The following HRNR variants were observed in gnomAD, a reference collection of about 807,000 sequenced individuals.
HRNR encodes filaggrin family member 3.
A neutral mutation model predicts 4.8 loss-of-function variants in HRNR; 7 were observed. That is an observed-to-expected ratio of 1.47 (90% confidence interval 0.83 to 2.75). The LOEUF is 2.75. Among genes scored for constraint, HRNR ranks in the 30% most tolerant of loss-of-function variants. HRNR has a pLI of 0.00. For synonymous variants in HRNR, 1,023 were observed against 1,242.7 expected (o/e 0.82, Z 3.72); for missense variants, 2,879 against 3,010.4 (o/e 0.96, Z 1.02).
rs1328340745 is a variant in HRNR, at chr1:152,212,084, T to C, written c.*992A>G. 1 of 152,236 alleles carries C rather than the reference T, an allele frequency of 6.6e-6. No homozygotes were observed. The highest frequency in any genetic ancestry group is 1.5e-5 in the Non-Finnish European group (1 of 68,036). The allele number at this position is 152,236 out of a possible 1,614,324, so 9.4% of individuals were successfully genotyped here. On this transcript the variant is annotated 3_prime_UTR_variant, in exon 3 of 3. Transcript: ENST00000368801. Reference sequence around the variant, plus strand: ...AGATGAGAAAAGTCTTAGTATTTAATCAACATTTATTTATTGTCAATTTTA... The same window carrying C: ...AGATGAGAAAAGTCTTAGTATTTAACCAACATTTATTTATTGTCAATTTTA...
Position 152,213,140 on chromosome 1 carries a change from C to G in HRNR, c.8489G>C (p.Ser2830Thr), listed in dbSNP as rs1286959206. The G allele has an allele frequency of 6.2e-7, 1 of 1,613,998 alleles. No individual in the cohort carries two copies. Among genetic ancestry groups the G allele is most frequent in the Non-Finnish European group, 8.5e-7 (1 of 1,180,038 alleles). ...DGGSSGSYFL[S>T]FPSSTSPYEY... Reference sequence around the variant, plus strand: ...ATAGGGTGAAGTGCTACTAGGAAAACTGAGAAAATATGAGCCAGAACTTCC... The same window carrying G: ...ATAGGGTGAAGTGCTACTAGGAAAAGTGAGAAAATATGAGCCAGAACTTCC... The change falls in exon 3 of 3, where the codon AGT becomes ACT. Residue 2830 changes from serine (S) to threonine (T), a missense_variant. Ser to Thr is a moderately conservative substitution (Grantham distance 58). Coordinates refer to ENST00000368801, the MANE Select transcript of HRNR (RefSeq NM_001009931.3).
At position 152,212,889 on chromosome 1, in the gene HRNR, TC is replaced by T. The variant is rs1241603613; in HGVS notation, c.*186del. ...ACAAAGTAGCACAAATGCCTAACAGTCTTTGGAAGGAACCCCATAACAAGAT... is the reference window on the plus strand; with the variant it reads ...ACAAAGTAGCACAAATGCCTAACAGTTTTGGAAGGAACCCCATAACAAGAT... On this transcript the variant is annotated 3_prime_UTR_variant, in exon 3 of 3. Transcript: ENST00000368801. 2.6e-6 allele frequency: 2 copies of T among 756,072 alleles called. No individual in the cohort carries two copies. Among genetic ancestry groups the T allele is most frequent in the Non-Finnish European group, 4.2e-6 (2 of 480,884 alleles). The allele number at this position is 756,072 out of a possible 1,614,324, so 46.8% of individuals were successfully genotyped here.
At position 152,219,284 on chromosome 1, in the gene HRNR, CCATGT is replaced by C; in HGVS notation, c.2340_2344del (p.His781ValfsTer26). 1 of 1,613,362 alleles carries C rather than the reference CCATGT, an allele frequency of 6.2e-7. No homozygotes were observed. The highest frequency in any genetic ancestry group is 8.5e-7 in the Non-Finnish European group (1 of 1,179,888). ...GCTGGAGGAGTGCCCTGAACTGGAC[CCATGT>C]CGGACACGGCTAGGAGAGTGGCCAG... On this transcript the variant is annotated frameshift_variant, in exon 3 of 3. Transcript: ENST00000368801. LOFTEE classifies it low-confidence loss of function (END_TRUNC).
In HRNR at chr1:152,213,042, T is replaced by G. The variant is rs769311709; in HGVS notation, c.*34A>C. On this transcript the variant is annotated 3_prime_UTR_variant, in exon 3 of 3. Coordinates refer to ENST00000368801, the MANE Select transcript of HRNR (RefSeq NM_001009931.3). The stretch of plus-strand genomic sequence containing the variant: ...TAGATGACTTTCCTATTTCTTAAAT[T>G]GCTACTTGAGTAAATTGCATTTATG... The G allele has an allele frequency of 2.5e-6, 4 of 1,580,310 alleles. No homozygotes were observed. The East Asian group carries it at 9.0e-5, about 35-fold the overall frequency.
At chr1:152,223,336 C>A in intron 1 of HRNR, 58 bp from the exon 2 acceptor site, 1 of 995,730 alleles carries the variant, frequency 1.0e-6, no homozygotes, top group Non-Finnish European at 1.5e-6. Flanking sequence ...TGTTTAAACA[C>A]ATAAATAGTT....
Position 152,220,178 on chromosome 1 carries a change from C to G in HRNR, c.1451G>C (p.Gly484Ala). The change falls in exon 3 of 3, where the codon GGC becomes GCC. Residue 484 changes from glycine to alanine, a missense_variant. By Grantham distance (60) the Gly-to-Ala change is moderately conservative (BLOSUM62 0). Around this residue, in one of 8 missense-constraint regions of HRNR, gnomAD observed 2,646 missense variants for 1,377.7 expected, o/e 1.92. Transcript: ENST00000368801. ...HSSGYTQHGS[G>A]SGHSSGHGQH... ...TCCGTGGCCGGAGGAGTGACCTGAG[C>G]CAGATCCATGCTGAGTGTAACCAGA... The G allele has an allele frequency of 1.9e-6, 3 of 1,613,224 alleles. No homozygotes were observed. Among genetic ancestry groups the G allele is most frequent in the Non-Finnish European group, 1.7e-6 (2 of 1,179,420 alleles).
At position 152,219,173 on chromosome 1, in the gene HRNR, T is replaced by G; in HGVS notation, c.2456A>C (p.Gln819Pro). The G allele has an allele frequency of 6.2e-7, 1 of 1,613,886 alleles. No individual in the cohort carries two copies. Among genetic ancestry groups the G allele is most frequent in the Non-Finnish European group, 8.5e-7 (1 of 1,179,986 alleles). The change falls in exon 3 of 3, where the codon CAA becomes CCA. Residue 819 changes from glutamine to proline, a missense_variant. By Grantham distance (76) the Gln-to-Pro change is moderately conservative (BLOSUM62 -1). Coordinates refer to ENST00000368801, the MANE Select transcript of HRNR (RefSeq NM_001009931.3). ...SGSGQASGFG[Q>P]HESGSGQGYS... ...GCCCTGTCCTGAGCCAGACTCGTGTTGCCCAAAACCAGAAGCCTGGCCTGA... is the reference window on the plus strand; with the variant it reads ...GCCCTGTCCTGAGCCAGACTCGTGTGGCCCAAAACCAGAAGCCTGGCCTGA...
Position 152,213,816 on chromosome 1 carries a change from GT to G in HRNR, c.7812del (p.Gln2605AsnfsTer248). The stretch of plus-strand genomic sequence containing the variant: ...GACTGTCCTGATCTAGAGCCGTGTT[GT>G]CCGTAGCCAGAGGAGTGACCTGAGC... ...GSGSGHSSGY[G>X]QHGSRSGQSS... On this transcript the variant is annotated frameshift_variant, in exon 3 of 3. Transcript: ENST00000368801. LOFTEE classifies it low-confidence loss of function (END_TRUNC). 1 of 1,327,320 alleles carries G rather than the reference GT, an allele frequency of 7.5e-7. No individual in the cohort carries two copies. Among genetic ancestry groups the G allele is most frequent in the Non-Finnish European group, 1.0e-6 (1 of 990,810 alleles). The allele number at this position is 1,327,320 out of a possible 1,614,324, so 82.2% of individuals were successfully genotyped here. A position where few individuals can be genotyped will look rare whatever the true frequency, so the allele number is the denominator to read the frequency against.
Position 152,219,433 on chromosome 1 carries a change from C to T in HRNR, c.2196G>A (p.Arg732=), listed in dbSNP as rs769141866. The T allele has an allele frequency of 5.6e-6, 9 of 1,613,790 alleles. No homozygotes were observed. Among genetic ancestry groups the T allele is most frequent in the East Asian group, 2.2e-5 (1 of 44,824 alleles). ...GTTCACTCCTAGATGACTGTCCTGA[C>T]CTAGAGCCGTGTTTTCTGTAGCCGG... ...HSSGYRKHGS[R]SGQSSRSEQH... is the part of the protein sequence containing the mutation. Residue 732 remains arginine (R), a synonymous_variant, in exon 3 of 3, where the codon AGG becomes AGA. Transcript: ENST00000368801.
rs140649841 is a variant in HRNR, at chr1:152,223,233, G to A, written c.21C>T (p.Gly7=). The change falls in exon 2 of 3, where the codon GGC becomes GGT. Residue 7 remains glycine (G), a synonymous_variant. Coordinates refer to ENST00000368801, the MANE Select transcript of HRNR (RefSeq NM_001009931.3). The part of the protein sequence containing the change: MPKLLQ[G]VITVIDVFYQ... ...AGAAAACATCGATGACAGTGATGAC[G>A]CCTTGTAGGAGTTTAGGCATTTTTT... is the stretch of plus-strand genomic sequence containing the variant. 5.4e-3 allele frequency: 8,623 copies of A among 1,590,714 alleles called. 52 individuals carry two copies. The highest frequency in any genetic ancestry group is 5.4e-3 in the Non-Finnish European group (6,315 of 1,172,512).
chr1:152,218,835 A>T lies in HRNR; in HGVS notation c.2794T>A (p.Phe932Ile), dbSNP rs1280435714. ...HGSGSGQSSGFGHKSSSGQSS... is the reference protein window; with the variant it reads ...HGSGSGQSSGIGHKSSSGQSS... ...TGCCCTGAGCTAGACTTGTGACCAA[A>T]GCCAGAAGACTGGCCTGAGCCAGAC... Residue 932 changes from phenylalanine to isoleucine, a missense_variant, in exon 3 of 3, where the codon TTT (phenylalanine) becomes ATT (isoleucine). By Grantham distance (21) the Phe-to-Ile change is conservative. Coordinates refer to ENST00000368801, the MANE Select transcript of HRNR (RefSeq NM_001009931.3). 4.3e-6 allele frequency: 7 copies of T among 1,612,848 alleles called. No homozygotes were observed. Among genetic ancestry groups the T allele is most frequent in the East Asian group, 4.5e-5 (2 of 44,736 alleles).
rs371472948 is a variant in HRNR at position 152,220,227 on chromosome 1, G to C, written c.1402C>G (p.His468Asp). ...GAGGAATGCTCTGAGCTAGACTCGT[G>C]GTGACCAAAGCCAGAAGAGTAGCCT... is the stretch of plus-strand genomic sequence containing the variant. ...GSGYSSGFGHHESSSEHSSGY... is the reference protein window; with the variant it reads ...GSGYSSGFGHDESSSEHSSGY... The change falls in exon 3 of 3, where the codon CAC becomes GAC. Residue 468 changes from histidine to aspartate, a missense_variant. Around this residue, in one of 8 missense-constraint regions of HRNR, gnomAD observed 2,646 missense variants for 1,377.7 expected, o/e 1.92. Coordinates refer to ENST00000368801, the MANE Select transcript of HRNR (RefSeq NM_001009931.3). 2.9e-5 allele frequency: 46 copies of C among 1,613,594 alleles called. No individual in the cohort carries two copies. Among genetic ancestry groups the C allele is most frequent in the Non-Finnish European group, 3.3e-5 (39 of 1,179,764 alleles).
intron 1 of HRNR, among the ~76,000 whole-genome samples, chr1:152,223,630 C>T (rs1229406880): frequency 3.3e-5 from 5 of 152,108 alleles, no homozygotes; most frequent in Admixed American, 1.3e-4. Flanking sequence ...TTTCTAGGTT[C>T]GAAGCATACT....
Position 152,219,500 on chromosome 1 carries a change from G to A in HRNR, c.2129C>T (p.Ser710Phe), listed in dbSNP as rs752528644. 7 of 1,613,630 alleles carry A rather than the reference G, an allele frequency of 4.3e-6. No homozygotes were observed. In the Admixed American group the frequency reaches 8.3e-5, roughly 19 times the overall value. Residue 710 changes from serine to phenylalanine, a missense_variant, in exon 3 of 3, where the codon TCC becomes TTC. Coordinates refer to ENST00000368801, the MANE Select transcript of HRNR (RefSeq NM_001009931.3). ...GFGHKSGSGQ[S>F]SGYSQHGSGS... is the part of the protein sequence containing the mutation. The stretch of plus-strand genomic sequence containing the variant: ...AGATCCATGCTGACTGTAACCAGAG[G>A]ACTGCCCTGAGCCAGACTTGTGACC...
chr1:152,218,996 G>C lies in HRNR; in HGVS notation c.2633C>G (p.Ser878Trp). Residue 878 changes from serine (S) to tryptophan (W), a missense_variant, in exon 3 of 3, where the codon TCG becomes TGG. By Grantham distance (177) the Ser-to-Trp change is radical. Coordinates refer to ENST00000368801, the MANE Select transcript of HRNR (RefSeq NM_001009931.3). ...GQHESASHHA[S>W]GRGRHGSGSG... ...TCCAGAGCCATGTCGGCCGCGGCCC[G>C]AAGCGTGATGGGAGGCAGACTCATG... 6.2e-7 allele frequency: 1 copy of C among 1,613,880 alleles called. No individual in the cohort carries two copies. Among genetic ancestry groups the C allele is most frequent in the South Asian group, 1.1e-5 (1 of 91,044 alleles).
At position 152,218,349 on chromosome 1, in the gene HRNR, C is replaced by T; in HGVS notation, c.3280G>A (p.Ala1094Thr). The change falls in exon 3 of 3, where the codon GCT (alanine) becomes ACT (threonine). Residue 1094 changes from alanine to threonine, a missense_variant. Ala to Thr is a moderately conservative substitution (Grantham distance 58). Around this residue, in one of 8 missense-constraint regions of HRNR, gnomAD observed 2,646 missense variants for 1,377.7 expected, o/e 1.92. Transcript: ENST00000368801. ...GQSSSCGQHGASSGQSSSHGQ... is the reference protein window; with the variant it reads ...GQSSSCGQHGTSSGQSSSHGQ... ...TGGCTGGAAGACTGACCTGAGCTAG[C>T]TCCATGTTGGCCACAGCTCGATGAC... 1.2e-6 allele frequency: 2 copies of T among 1,608,518 alleles called. No homozygotes were observed. The highest frequency in any genetic ancestry group is 1.7e-6 in the Non-Finnish European group (2 of 1,178,936).
intron 2 of HRNR, among the ~76,000 whole-genome samples, chr1:152,222,660 A>G (rs1649038156): frequency 6.6e-6 from 1 of 152,246 alleles, no homozygotes; most frequent in Non-Finnish European, 1.5e-5. Flanking sequence ...TCTGAATATC[A>G]TATCTGAAAT....
In HRNR at chr1:152,219,345, A is replaced by G; in HGVS notation, c.2284T>C (p.Ser762Pro). ...GACCCTTGTCGGCCGTGGCCCGAAG[A>G]TTGATGGGAGCCCGACCCATGCTGA... Reference protein sequence around the residue: ...YGQHGSGSHQSSGHGRQGSGS... With the variant: ...YGQHGSGSHQPSGHGRQGSGS... The change falls in exon 3 of 3, where the codon TCT becomes CCT. Residue 762 changes from serine (S) to proline (P), a missense_variant. Physicochemically the swap from Ser to Pro is moderately conservative, Grantham distance 74. Coordinates refer to ENST00000368801, the MANE Select transcript of HRNR (RefSeq NM_001009931.3). 6.2e-7 allele frequency: 1 copy of G among 1,612,718 alleles called. No homozygotes were observed. The highest frequency in any genetic ancestry group is 8.5e-7 in the Non-Finnish European group (1 of 1,179,778).
chr1:152,220,335 C>T lies in HRNR; in HGVS notation c.1294G>A (p.Gly432Arg), dbSNP rs199656596. The change falls in exon 3 of 3, where the codon GGG becomes AGG. Residue 432 changes from glycine to arginine, a missense_variant. Physicochemically the swap from Gly to Arg is moderately radical, Grantham distance 125 (BLOSUM62 -2). Around this residue, in one of 8 missense-constraint regions of HRNR, gnomAD observed 2,646 missense variants for 1,377.7 expected, o/e 1.92. Transcript: ENST00000368801. Reference protein sequence around the residue: ...QSPGHGQRGSGSGQSPSSGQH... With the variant: ...QSPGHGQRGSRSGQSPSSGQH... ...CCGGAGCTGGGAGACTGCCCTGACC[C>T]AGACCCACGCTGGCCGTGGCCTGGA... The T allele has an allele frequency of 3.1e-6, 5 of 1,613,144 alleles. No homozygotes were observed. In the Admixed American group the frequency reaches 8.3e-5, roughly 27 times the overall value.
Sources: gnomAD v4.1 joint callset for allele counts (sites outside exome capture counted in the v4.1 genomes callset) on GRCh38, gnomAD v4.1.1 for gene constraint, gnomAD v4.1.1 regional missense constraint, MANE v1.5 for transcripts, NCBI Gene and HGNC (gene_info 2026-07-23, HGNC 2026-07-21) for gene names.